LRP2: variants seen among roughly 807,000 people sequenced by gnomAD.
The protein encoded by LRP2 is low-density lipoprotein receptor-related protein 2.
A neutral mutation model predicts 531.0 loss-of-function variants in LRP2; 172 were observed. The ratio of observed to expected loss-of-function variants is 0.32; its 90% confidence interval spans 0.29 to 0.37. LRP2 has a LOEUF of 0.37. Ranked by LOEUF, LRP2 falls within the 10% of genes least tolerant of loss-of-function variation. LRP2 has a pLI of 1.00. For synonymous variants in LRP2, 1,992 were observed against 2,027.6 expected, an observed-to-expected ratio of 0.98 and a Z score of 0.47; for missense variants, 5,167 against 5,868.3, an observed-to-expected ratio of 0.88 and a Z score of 3.90.
chr2:169,289,007 G>GC lies in LRP2; in HGVS notation c.1042+18dup, dbSNP rs779758636. 1 of 1,613,456 alleles carries GC rather than the reference G, an allele frequency of 6.2e-7. No homozygotes were observed. The highest frequency in any genetic ancestry group is 8.5e-7 in the Non-Finnish European group (1 of 1,179,602). Reference sequence around the variant, plus strand: ...GTACTGTAATGAAAGACAAGTAGCCGCCGCCCCCCATCACTTACCAACACA... The same window carrying GC: ...GTACTGTAATGAAAGACAAGTAGCCGCCCGCCCCCCATCACTTACCAACACA... On this transcript the variant is annotated intron_variant, in intron 9 of 78. Coordinates refer to ENST00000649046, the MANE Select transcript of LRP2 (RefSeq NM_004525.3).
chr2:169,132,715 G>T, intron 76 of LRP2, 34 bp from the exon 77 acceptor site: 2 of 1,034,194 alleles, frequency 1.9e-6, no homozygotes, highest in South Asian at 1.3e-5. Flanking sequence ...ACCCAATTTT[G>T]AAAGAATTTA....
intron 1 of LRP2, among the ~76,000 whole-genome samples, chr2:169,340,113 T>C (rs1685524512): frequency 6.6e-6 from 1 of 152,204 alleles, no homozygotes; most frequent in Non-Finnish European, 1.5e-5. Flanking sequence ...TCCTTCTTCA[T>C]ATAATAGTTC....
intron 16 of LRP2, 128 bp from the exon 17 acceptor site, chr2:169,259,345 TAAAAAAAA>T: frequency 4.7e-6 from 2 of 421,862 alleles, no homozygotes; most frequent in Non-Finnish European, 4.2e-6. Context: ...TGGAATTCTT[TAAAAAAAA>T]AAAAAAAAAA....
chr2:169,240,876 G>A, intron 25 of LRP2, 112 bp downstream of exon 25: 2 of 1,285,268 alleles, frequency 1.6e-6, no homozygotes, highest in South Asian at 1.2e-5. Context: ...AACTCATAGA[G>A]GAACTGAAAT....
chr2:169,172,102 G>A lies in LRP2; in HGVS notation c.11176C>T (p.Arg3726Cys), dbSNP rs140022108. The change falls in exon 58 of 79, where the codon CGC becomes TGC. Residue 3726 changes from arginine (R) to cysteine (C), a missense_variant. Transcript: ENST00000649046. Reference protein sequence around the residue: ...ERTCHPVGDFRCKNHHCIPLR... With the variant: ...ERTCHPVGDFCCKNHHCIPLR... ...GGGATGCAGTGGTGATTTTTACAGC[G>A]GAAATCCCCCACAGGATGGCATGTC... 47 of 1,614,016 alleles carry A rather than the reference G, an allele frequency of 2.9e-5. No homozygotes were observed. The highest frequency in any genetic ancestry group is 2.2e-4 in the South Asian group (20 of 91,090).
chr2:169,315,306 C>T (rs1049185581), intron 3 of LRP2, among the ~76,000 whole-genome samples: 5 of 152,088 alleles, frequency 3.3e-5, no homozygotes, highest in African/African-American at 1.2e-4. Context: ...AATTAGAAAA[C>T]AATTATGAAA....
At chr2:169,220,393 G>T in intron 34 of LRP2, 61 bp downstream of exon 34, 1 of 1,235,822 alleles carries the variant, frequency 8.1e-7, no homozygotes, top group South Asian at 1.2e-5. Flanking sequence ...CATTTTGTCA[G>T]ACCCTGACAT....
At chr2:169,292,865 A>C (rs892016680) in intron 6 of LRP2, among the ~76,000 whole-genome samples, 8 of 151,622 alleles carry the variant, frequency 5.3e-5, no homozygotes, top group Non-Finnish European at 1.0e-4. Context: ...AAAATTAAAA[A>C]CAAGATGGTT....
chr2:169,140,485 T>C lies in LRP2; in HGVS notation c.13169A>G (p.Tyr4390Cys), dbSNP rs1685679589. The C allele has an allele frequency of 1.9e-6, 3 of 1,614,114 alleles. No individual in the cohort carries two copies. The highest frequency in any genetic ancestry group is 2.5e-6 in the Non-Finnish European group (3 of 1,179,984). The change falls in exon 72 of 79, where the codon TAT becomes TGT. Residue 4390 changes from tyrosine to cysteine, a missense_variant. Around this residue, in one of 6 missense-constraint regions of LRP2, gnomAD observed 348 missense variants for 369.3 expected, o/e 0.94. Coordinates refer to ENST00000649046, the MANE Select transcript of LRP2 (RefSeq NM_004525.3). ...TTTGGGGAGGTCAGTCTCATCAAAATAGCAATTTCCTCCGTGCATGCACCT... is the reference window on the plus strand; with the variant it reads ...TTTGGGGAGGTCAGTCTCATCAAAACAGCAATTTCCTCCGTGCATGCACCT... ...PCRCMHGGNC[Y>C]FDETDLPKCK...
chr2:169,134,243 T>C (rs1442843569), intron 76 of LRP2, among the ~76,000 whole-genome samples: 2 of 152,142 alleles, frequency 1.3e-5, no homozygotes, highest in African/African-American at 4.8e-5. Context: ...TCACAAACTA[T>C]GCTCAACTCA....
intron 1 of LRP2, among the ~76,000 whole-genome samples, chr2:169,358,898 C>CAAAA (rs777233354): frequency 2.1e-4 from 24 of 115,906 alleles, no homozygotes; most frequent in African/African-American, 6.0e-4. Context: ...ACGATTTTCT[C>CAAAA]AAAAAAAAAA....
chr2:169,208,011 C>T (rs1019903720), intron 38 of LRP2, among the ~76,000 whole-genome samples: 3 of 152,182 alleles, frequency 2.0e-5, no homozygotes, highest in South Asian at 2.1e-4. Context: ...AAATATGTTA[C>T]TGATACATTT....
chr2:169,231,969 T>G, intron 30 of LRP2, 127 bp from the exon 31 acceptor site: 1 of 1,108,300 alleles, frequency 9.0e-7, no homozygotes, highest in Non-Finnish European at 1.3e-6. Context: ...TTGTTACCTC[T>G]GTTGTTTTCT....
At position 169,175,192 on chromosome 2, in the gene LRP2, C is replaced by A. The variant is rs1687146577; in HGVS notation, c.10768+1G>T. ...AAGAGGCATAAAGCGACTCAACACA[C>A]CACAAAGAAGACGGTCTTCATCAGA... On this transcript the variant is annotated splice_donor_variant, in intron 55 of 78. Coordinates refer to ENST00000649046, the MANE Select transcript of LRP2 (RefSeq NM_004525.3). LOFTEE classifies it high-confidence loss of function. 2 of 1,614,116 alleles carry A rather than the reference C, an allele frequency of 1.2e-6. No individual in the cohort carries two copies. Among genetic ancestry groups the A allele is most frequent in the Non-Finnish European group, 1.7e-6 (2 of 1,180,010 alleles).
At chr2:169,146,022 A>C in intron 69 of LRP2, 99 bp from the exon 70 acceptor site, 1 of 1,090,172 alleles carries the variant, frequency 9.2e-7, no homozygotes. Flanking sequence ...ATTCTGCTTG[A>C]ATTATTCCCT....
chr2:169,130,444 C>T (rs1011527736), intron 77 of LRP2, among the ~76,000 whole-genome samples: 2 of 152,046 alleles, frequency 1.3e-5, no homozygotes, highest in Admixed American at 1.3e-4. Flanking sequence ...TATGCCACCA[C>T]ACTCAGCTAA....
chr2:169,328,200 C>G (rs1393648939), intron 1 of LRP2, among the ~76,000 whole-genome samples: 2 of 124,240 alleles, frequency 1.6e-5, no homozygotes, highest in Non-Finnish European at 3.5e-5. Flanking sequence ...GGGGGGTCAG[C>G]GCCCCGCCCG....
At chr2:169,131,501 A>T (rs1685288358) in intron 77 of LRP2, among the ~76,000 whole-genome samples, 1 of 152,188 alleles carries the variant, frequency 6.6e-6, no homozygotes, top group Non-Finnish European at 1.5e-5. Flanking sequence ...AAAATGGTAA[A>T]ATTTCCAACT....
intron 44 of LRP2, among the ~76,000 whole-genome samples, chr2:169,199,981 T>G (rs910597902): frequency 1.3e-5 from 2 of 152,232 alleles, no homozygotes; most frequent in African/African-American, 2.4e-5. Context: ...CCGGGTGCAG[T>G]GGCTCACGCC....
Sources: gnomAD v4.1 joint callset for allele counts (sites outside exome capture counted in the v4.1 genomes callset) on GRCh38, gnomAD v4.1.1 for gene constraint, gnomAD v4.1.1 regional missense constraint, MANE v1.5 for transcripts, NCBI Gene and HGNC (gene_info 2026-07-23, HGNC 2026-07-21) for gene names.